Variants in ZNF445 observed in about 807,000 individuals in gnomAD.
The protein encoded by ZNF445 is zinc finger protein 445, also known as zinc finger protein 168.
In ZNF445, 19 loss-of-function variants were observed where a neutral mutation model predicts 93.9. That is an observed-to-expected ratio of 0.20 (90% CI 0.14 to 0.30). The LOEUF (loss-of-function observed/expected upper bound fraction) is 0.30, where lower values mean the gene tolerates loss of function less well. Ranked by LOEUF, ZNF445 falls within the 10% of genes least tolerant of loss-of-function variation. ZNF445 has a pLI of 1.00. For missense variants in ZNF445, 1,058 were observed against 1,259.4 expected, an observed-to-expected ratio of 0.84 and a Z score of 2.42; for synonymous variants, 449 against 446.3, an observed-to-expected ratio of 1.01 and a Z score of -0.08.
intron 1 of ZNF445, among the ~76,000 whole-genome samples, chr3:44,464,939 C>T (rs1216682081): frequency 6.6e-6 from 1 of 151,500 alleles, no homozygotes; most frequent in African/African-American, 2.4e-5. Context: ...TGGTGGCATG[C>T]GCCTGTAGTC....
chr3:44,453,617 A>G (rs746869526), intron 3 of ZNF445, among the ~76,000 whole-genome samples: 1 of 152,204 alleles, frequency 6.6e-6, no homozygotes, highest in Non-Finnish European at 1.5e-5. Context: ...TTTTATATAA[A>G]GAAGCCTTAA....
chr3:44,473,489 AC>A lies in ZNF445; in HGVS notation c.-269+4101del, dbSNP rs1290704025. Among the ~76,000 whole-genome samples, 72 of 57,912 alleles carry A rather than the reference AC, an allele frequency of 1.2e-3. 1 individual carries two copies. Among genetic ancestry groups the A allele is most frequent in the Admixed American group, 2.5e-3 (11 of 4,360 alleles). The allele number at this position is 57,912 out of a possible 152,430, so 38.0% of individuals were successfully genotyped here. A position where few individuals can be genotyped will look rare whatever the true frequency, so the allele number is the denominator to read the frequency against. Reference sequence around the variant, plus strand: ...CACACACACACACACACACACACACACAAAAAATGCTTTCAGTATATATTTA... The same window carrying A: ...CACACACACACACACACACACACACAAAAAAATGCTTTCAGTATATATTTA... On this transcript the variant is annotated intron_variant, in intron 1 of 7. Coordinates refer to ENST00000396077, the MANE Select transcript of ZNF445 (RefSeq NM_181489.6).
chr3:44,446,799 C>T lies in ZNF445; in HGVS notation c.2872G>A (p.Ala958Thr), dbSNP rs1035992717. The change falls in exon 8 of 8, where the codon GCT (alanine) becomes ACT (threonine). Residue 958 changes from alanine (A) to threonine (T), a missense_variant. Ala to Thr is a moderately conservative substitution (Grantham distance 58). Transcript: ENST00000396077. This position sits in a 1 kb window ranked among gnomAD's most constrained non-coding sequence, Gnocchi z 4.2. ...GTGAGCCTGGAGCTCTGGCTGCAAGCTTCTTTGCAGTCTTCGAGGGGCATC... is the reference window on the plus strand; with the variant it reads ...GTGAGCCTGGAGCTCTGGCTGCAAGTTTCTTTGCAGTCTTCGAGGGGCATC... ...EEMPLEDCKE[A>T]CSQSSRLTGL... is the part of the protein sequence containing the mutation. 19 of 1,614,102 alleles carry T rather than the reference C, an allele frequency of 1.2e-5. No homozygotes were observed. The highest frequency in any genetic ancestry group is 1.7e-5 in the Admixed American group (1 of 60,008).
intron 1 of ZNF445, among the ~76,000 whole-genome samples, chr3:44,477,215 GCA>G (rs1464462578): frequency 6.6e-6 from 1 of 152,198 alleles, no homozygotes; most frequent in African/African-American, 2.4e-5. Context: ...GCAGAATTAT[GCA>G]CAGATATTTT....
At chr3:44,473,505 GTATA>G (rs1698302373) in intron 1 of ZNF445, among the ~76,000 whole-genome samples, 1 of 130,434 alleles carries the variant, frequency 7.7e-6, no homozygotes, top group African/African-American at 3.3e-5. Context: ...AATGCTTTCA[GTATA>G]TATTTAAAGC....
Position 44,439,862 on chromosome 3 carries a change from G to A in ZNF445, c.*6713C>T, listed in dbSNP as rs993884434. Reference sequence around the variant, plus strand: ...GTCTGTTGGGCTTCAGTGAAAGGACGAACAAGTGGCTCTGGTTTTTGTTGT... The same window carrying A: ...GTCTGTTGGGCTTCAGTGAAAGGACAAACAAGTGGCTCTGGTTTTTGTTGT... On this transcript the variant is annotated 3_prime_UTR_variant, in exon 8 of 8. Coordinates refer to ENST00000396077, the MANE Select transcript of ZNF445 (RefSeq NM_181489.6). 4 of 152,260 alleles carry A rather than the reference G, an allele frequency of 2.6e-5. No homozygotes were observed. The highest frequency in any genetic ancestry group is 9.7e-5 in the African/African-American group (4 of 41,448). 9.4% of individuals were successfully genotyped at this position (152,260 alleles called of 1,614,324 possible).
intron 3 of ZNF445, among the ~76,000 whole-genome samples, chr3:44,453,786 T>G (rs1456492959): frequency 6.6e-6 from 1 of 152,200 alleles, no homozygotes; most frequent in Non-Finnish European, 1.5e-5. Context: ...GCCAGGCACA[T>G]GATAAGCACT....
In ZNF445 at chr3:44,443,846, T is replaced by C. The variant is rs1697843017; in HGVS notation, c.*2729A>G. ...TTAGAAATAAGCACATTTCATTCTA[T>C]AAAAATGACAGGTCAGGCACAGTGG... On this transcript the variant is annotated 3_prime_UTR_variant, in exon 8 of 8. Coordinates refer to ENST00000396077, the MANE Select transcript of ZNF445 (RefSeq NM_181489.6). 6.6e-6 allele frequency: 1 copy of C among 151,862 alleles called. No homozygotes were observed. The highest frequency in any genetic ancestry group is 6.6e-5 in the Admixed American group (1 of 15,236). 9.4% of individuals were successfully genotyped at this position (151,862 alleles called of 1,614,324 possible). A position where few individuals can be genotyped will look rare whatever the true frequency, so the allele number is the denominator to read the frequency against.
Position 44,440,593 on chromosome 3 carries a change from T to C in ZNF445, c.*5982A>G, listed in dbSNP as rs570797005. ...TTCGTTTACTAATAGCCATTTGTAT[T>C]GCTCCTGTTACCAGAAAGCGGTCGT... On this transcript the variant is annotated 3_prime_UTR_variant, in exon 8 of 8. Coordinates refer to ENST00000396077, the MANE Select transcript of ZNF445 (RefSeq NM_181489.6). 15 of 152,354 alleles carry C rather than the reference T, an allele frequency of 9.8e-5. No homozygotes were observed. Among genetic ancestry groups the C allele is most frequent in the African/African-American group, 3.6e-4 (15 of 41,578 alleles). 9.4% of individuals were successfully genotyped at this position (152,354 alleles called of 1,614,324 possible). A position where few individuals can be genotyped will look rare whatever the true frequency, so the allele number is the denominator to read the frequency against.
chr3:44,475,814 T>C (rs1350284246), intron 1 of ZNF445, among the ~76,000 whole-genome samples: 2 of 151,932 alleles, frequency 1.3e-5, no homozygotes, highest in Non-Finnish European at 2.9e-5. Context: ...GCCTGACCAA[T>C]ACGGTGAAAC....
intron 1 of ZNF445, among the ~76,000 whole-genome samples, chr3:44,475,737 G>A (rs187504999): frequency 2.0e-5 from 3 of 152,088 alleles, no homozygotes; most frequent in Admixed American, 6.5e-5. Flanking sequence ...GGTGGCTCAC[G>A]CCTGTAATCC....
intron 3 of ZNF445, among the ~76,000 whole-genome samples, chr3:44,454,456 T>C (rs933828008): frequency 2.0e-5 from 3 of 152,148 alleles, no homozygotes; most frequent in Non-Finnish European, 2.9e-5. Flanking sequence ...TGTTTAGAGA[T>C]AGGGTCTTGC....
At position 44,473,453 on chromosome 3, in the gene ZNF445, T is replaced by TCACACACA. The variant is rs377305681; in HGVS notation, c.-269+4130_-269+4137dup. ...TGGGCAACGAGAGTGAAACTCCACT[T>TCACACACA]CACACACACACACACACACACACAC... On this transcript the variant is annotated intron_variant, in intron 1 of 7. Transcript: ENST00000396077. Among the ~76,000 whole-genome samples the TCACACACA allele has an allele frequency of 5.1e-4, 31 of 60,860 alleles. 1 individual carries two copies. The South Asian group carries it at 0.012, about 23-fold the overall frequency. 39.9% of individuals were successfully genotyped at this position (60,860 alleles called of 152,430 possible). A position where few individuals can be genotyped will look rare whatever the true frequency, so the allele number is the denominator to read the frequency against.
In ZNF445 at chr3:44,441,430, A is replaced by T. The variant is rs1467595593; in HGVS notation, c.*5145T>A. Reference sequence around the variant, plus strand: ...CTCCTATCTCATCCCATGACTTGGAATGCCTAACCTCCTGGGAATGCAGCC... The same window carrying T: ...CTCCTATCTCATCCCATGACTTGGATTGCCTAACCTCCTGGGAATGCAGCC... On this transcript the variant is annotated 3_prime_UTR_variant, in exon 8 of 8. Transcript: ENST00000396077. 6.6e-6 allele frequency: 1 copy of T among 152,244 alleles called. No homozygotes were observed. Among genetic ancestry groups the T allele is most frequent in the Non-Finnish European group, 1.5e-5 (1 of 68,056 alleles). The allele number at this position is 152,244 out of a possible 1,614,324, so 9.4% of individuals were successfully genotyped here. A position where few individuals can be genotyped will look rare whatever the true frequency, so the allele number is the denominator to read the frequency against.
Position 44,437,656 on chromosome 3 carries a change from C to CT in ZNF445, c.*8918dup, listed in dbSNP as rs1346673749. The CT allele has an allele frequency of 6.6e-6, 1 of 152,200 alleles. No homozygotes were observed. Among genetic ancestry groups the CT allele is most frequent in the African/African-American group, 2.4e-5 (1 of 41,426 alleles). 9.4% of individuals were successfully genotyped at this position (152,200 alleles called of 1,614,324 possible). On this transcript the variant is annotated 3_prime_UTR_variant, in exon 8 of 8. Coordinates refer to ENST00000396077, the MANE Select transcript of ZNF445 (RefSeq NM_181489.6). ...ACTCCAACTCCCCTAAGTTGGGCCT[C>CT]TAACCCAATCCCATTTGTTACTCGG...
In ZNF445 at chr3:44,435,616, T is replaced by C. The variant is rs192146373; in HGVS notation, c.*10959A>G. The C allele has an allele frequency of 1.3e-5, 2 of 152,334 alleles. No individual in the cohort carries two copies. The highest frequency in any genetic ancestry group is 1.9e-4 in the East Asian group (1 of 5,194). 9.4% of individuals were successfully genotyped at this position (152,334 alleles called of 1,614,324 possible). ...GTGGTATTAGTTTGCTTTAATATTT[T>C]TGTGAATGAGGCAGCTCTAGTGGCT... On this transcript the variant is annotated 3_prime_UTR_variant, in exon 8 of 8. Transcript: ENST00000396077.
intron 6 of ZNF445, 31 bp from the exon 7 acceptor site, chr3:44,449,654 G>C (rs1246952250): frequency 1.3e-6 from 2 of 1,553,642 alleles, no homozygotes; most frequent in Admixed American, 3.3e-5. Context: ...GCATGAGAAG[G>C]GAGATGGATG....
In ZNF445 at chr3:44,443,899, G is replaced by A. The variant is rs1301316244; in HGVS notation, c.*2676C>T. 6.6e-6 allele frequency: 1 copy of A among 152,236 alleles called. No individual in the cohort carries two copies. Among genetic ancestry groups the A allele is most frequent in the Non-Finnish European group, 1.5e-5 (1 of 68,062 alleles). 9.4% of individuals were successfully genotyped at this position (152,236 alleles called of 1,614,324 possible). On this transcript the variant is annotated 3_prime_UTR_variant, in exon 8 of 8. Coordinates refer to ENST00000396077, the MANE Select transcript of ZNF445 (RefSeq NM_181489.6). ...CACGCCTGTAATCCCAGCACTTTGG[G>A]AGGCAGAGGTGGGTGGATTGCTTGA...
rs113636525 is a variant in ZNF445, at chr3:44,461,208, C to T, written c.-268-2844G>A. Reference sequence around the variant, plus strand: ...TGGTGTGGTGTCTGTAGCCCCATTACGGGGTGTCTGTTTGTAGCTCTACCA... The same window carrying T: ...TGGTGTGGTGTCTGTAGCCCCATTATGGGGTGTCTGTTTGTAGCTCTACCA... On this transcript the variant is annotated intron_variant, in intron 1 of 7. Coordinates refer to ENST00000396077, the MANE Select transcript of ZNF445 (RefSeq NM_181489.6). 4.6e-3 allele frequency among the ~76,000 whole-genome samples: 701 copies of T among 152,180 alleles called. 3 individuals are homozygous for T. The highest frequency in any genetic ancestry group is 0.014 in the Middle Eastern group (4 of 294).
Sources: allele counts gnomAD v4.1 joint callset (sites outside exome capture counted in the v4.1 genomes callset), GRCh38; gene constraint gnomAD v4.1.1; non-coding constraint Gnocchi (gnomAD v3.1); transcripts MANE v1.5; gene names NCBI Gene and HGNC (gene_info 2026-07-23, HGNC 2026-07-21).